NCOA1: variants seen among roughly 807,000 people sequenced by gnomAD.
NCOA1 encodes the protein Hin-2 protein.
A neutral mutation model predicts 150.9 loss-of-function variants in NCOA1; 35 were observed. That is an observed-to-expected ratio of 0.23 (90% CI 0.18 to 0.31). NCOA1 has a LOEUF of 0.31. NCOA1 is among the 10% of genes least tolerant of loss of function. The pLI, the probability that NCOA1 is intolerant of heterozygous loss-of-function variation, is 1.00. For missense variants in NCOA1, 1,491 were observed against 1,749.3 expected (o/e 0.85, Z 2.63); for synonymous variants, 590 against 630.0 (o/e 0.94, Z 0.95).
chr2:24,715,006 A>G (rs183279436), intron 14 of NCOA1, among the ~76,000 whole-genome samples: 73 of 152,244 alleles, frequency 4.8e-4, no homozygotes, highest in African/African-American at 1.7e-3. Flanking sequence ...TGACACAGAG[A>G]TGAAAAAAGA....
At chr2:24,621,528 G>A (rs1430857109) in intron 3 of NCOA1, among the ~76,000 whole-genome samples, 2 of 142,510 alleles carry the variant, frequency 1.4e-5, no homozygotes, top group African/African-American at 5.3e-5. Context: ...GTGCAATGGT[G>A]CGATCTCAGC....
chr2:24,619,333 A>G (rs796325083), intron 3 of NCOA1, among the ~76,000 whole-genome samples: 25 of 152,340 alleles, frequency 1.6e-4, no homozygotes, highest in African/African-American at 6.0e-4. Flanking sequence ...ACTGTTGAAG[A>G]TTCTTTGACC....
intron 11 of NCOA1, among the ~76,000 whole-genome samples, chr2:24,698,315 T>C (rs1178225921): frequency 6.6e-6 from 1 of 152,120 alleles, no homozygotes; most frequent in Non-Finnish European, 1.5e-5. Context: ...AACAAGCATG[T>C]CAAAGGCCTT....
chr2:24,567,561 A>C (rs1666567144), intron 2 of NCOA1, among the ~76,000 whole-genome samples: 1 of 152,202 alleles, frequency 6.6e-6, no homozygotes, highest in African/African-American at 2.4e-5. Context: ...GCAGTCATAG[A>C]CTGTGTACAT....
At chr2:24,751,159 G>T (rs1002591307) in intron 19 of NCOA1, among the ~76,000 whole-genome samples, 2 of 150,866 alleles carry the variant, frequency 1.3e-5, no homozygotes, top group African/African-American at 4.9e-5. Context: ...TAGAGATGGG[G>T]TTTCTCATGT....
intron 1 of NCOA1, among the ~76,000 whole-genome samples, chr2:24,539,426 G>T (rs911557526): frequency 1.3e-4 from 20 of 152,178 alleles, no homozygotes; most frequent in Admixed American, 4.6e-4. Flanking sequence ...CTTAGGTGTG[G>T]CTGCTTCATG....
At chr2:24,751,882 A>G (rs969405485) in intron 19 of NCOA1, 100 bp from the exon 20 acceptor site, 2 of 1,129,704 alleles carry the variant, frequency 1.8e-6, no homozygotes, top group African/African-American at 3.2e-5. Context: ...TAAGAAAGTT[A>G]TTTGTAAATA....
intron 7 of NCOA1, among the ~76,000 whole-genome samples, chr2:24,678,764 TC>T: frequency 6.6e-6 from 1 of 152,192 alleles, no homozygotes; most frequent in East Asian, 1.9e-4. Flanking sequence ...TTGTTTAAGT[TC>T]CTTGTAGACT....
intron 1 of NCOA1, among the ~76,000 whole-genome samples, chr2:24,561,148 A>G (rs1666277666): frequency 6.6e-6 from 1 of 152,204 alleles, no homozygotes; most frequent in South Asian, 2.1e-4. Context: ...AGGAGGAATA[A>G]GACTGTATTT....
chr2:24,724,541 G>A (rs1201794485), intron 14 of NCOA1, among the ~76,000 whole-genome samples: 1 of 152,018 alleles, frequency 6.6e-6, no homozygotes, highest in African/African-American at 2.4e-5. Flanking sequence ...TTAGTATGGG[G>A]ATTTTTTTGT....
At chr2:24,503,461 TA>T (rs1663552325) in intron 1 of NCOA1, among the ~76,000 whole-genome samples, 2 of 152,214 alleles carry the variant, frequency 1.3e-5, no homozygotes, top group African/African-American at 4.8e-5. Context: ...GTCTTCACAA[TA>T]AAATACAAAT....
Position 24,543,756 on chromosome 2 carries a change from A to G in NCOA1, c.-395-20539A>G, listed in dbSNP as rs1665494203. On this transcript the variant is annotated intron_variant, in intron 1 of 22. Coordinates refer to ENST00000348332, the MANE Select transcript of NCOA1 (RefSeq NM_003743.5). Reference sequence around the variant, plus strand: ...GCAGAGGGCATAAAGTGAGAGAAGGATGACAGGAAAGAGGTCACTAGGTAT... The same window carrying G: ...GCAGAGGGCATAAAGTGAGAGAAGGGTGACAGGAAAGAGGTCACTAGGTAT... Among the ~76,000 whole-genome samples the G allele has an allele frequency of 2.0e-5, 3 of 152,186 alleles. No homozygotes were observed. In the South Asian group the frequency reaches 6.2e-4, roughly 32 times the overall value.
intron 14 of NCOA1, among the ~76,000 whole-genome samples, chr2:24,721,308 CTCT>C (rs1341586450): frequency 1.3e-5 from 2 of 152,182 alleles, no homozygotes; most frequent in Non-Finnish European, 2.9e-5. Context: ...TCTATACTAA[CTCT>C]TTTTTCTTCA....
chr2:24,520,619 G>C (rs1298531519), intron 1 of NCOA1, among the ~76,000 whole-genome samples: 1 of 152,126 alleles, frequency 6.6e-6, no homozygotes. Flanking sequence ...TGGGAATGAG[G>C]GATCATAAGA....
chr2:24,666,098 A>G (rs938991805), intron 6 of NCOA1, among the ~76,000 whole-genome samples, 183 bp downstream of exon 6: 4 of 151,268 alleles, frequency 2.6e-5, no homozygotes, highest in Non-Finnish European at 5.9e-5. Flanking sequence ...TGCAAGCTCC[A>G]CCTCCTGGGT....
intron 1 of NCOA1, among the ~76,000 whole-genome samples, chr2:24,508,186 A>G (rs1663785061): frequency 6.6e-6 from 1 of 152,158 alleles, no homozygotes; most frequent in African/African-American, 2.4e-5. Flanking sequence ...GAAAATTGTG[A>G]AAATTTCATT....
At chr2:24,548,448 A>G (rs1665693859) in intron 1 of NCOA1, among the ~76,000 whole-genome samples, 1 of 152,232 alleles carries the variant, frequency 6.6e-6, no homozygotes, top group South Asian at 2.1e-4. Context: ...ATATCATTCC[A>G]TCCCTGGCCC....
At chr2:24,725,376 CT>C (rs1465367157) in intron 14 of NCOA1, among the ~76,000 whole-genome samples, 3 of 152,076 alleles carry the variant, frequency 2.0e-5, no homozygotes, top group Non-Finnish European at 4.4e-5. Flanking sequence ...CTTTCCTTGG[CT>C]TGGAGATGGC....
At chr2:24,586,955 A>G (rs1667438551) in intron 3 of NCOA1, among the ~76,000 whole-genome samples, 1 of 152,032 alleles carries the variant, frequency 6.6e-6, no homozygotes. Flanking sequence ...ATACATAGTG[A>G]AGATTCTTCC....
Sources: allele counts gnomAD v4.1 joint callset (sites outside exome capture counted in the v4.1 genomes callset), GRCh38; gene constraint gnomAD v4.1.1; transcripts MANE v1.5; gene names NCBI Gene and HGNC (gene_info 2026-07-23, HGNC 2026-07-21).